The following CTNNB1 variants were observed in gnomAD, a reference collection of about 807,000 sequenced individuals.
CTNNB1 encodes catenin beta-1.
A neutral mutation model predicts 82.5 loss-of-function variants in CTNNB1; 6 were observed. That is an observed-to-expected ratio of 0.07 (90% confidence interval 0.04 to 0.14). CTNNB1 has a LOEUF of 0.14. Ranked by LOEUF, CTNNB1 falls within the 10% of genes least tolerant of loss-of-function variation. CTNNB1 has a pLI of 1.00. For missense variants in CTNNB1, 529 were observed against 980.4 expected, an observed-to-expected ratio of 0.54 and a Z score of 6.15; for synonymous variants, 312 against 329.7, an observed-to-expected ratio of 0.95 and a Z score of 0.58.
chr3:41,211,340 CACTG>C (rs1423874794), intron 1 of CTNNB1, among the ~76,000 whole-genome samples: 1 of 152,202 alleles, frequency 6.6e-6, no homozygotes, highest in African/African-American at 2.4e-5. Context: ...AATCATTTCT[CACTG>C]AAGCCATGCC....
At chr3:41,215,173 C>A (rs1461201272) in intron 1 of CTNNB1, among the ~76,000 whole-genome samples, 1 of 132,856 alleles carries the variant, frequency 7.5e-6, no homozygotes, top group African/African-American at 2.8e-5. Flanking sequence ...GGCAGGAGTT[C>A]AAGATCAGCC....
At chr3:41,206,204 C>T (rs2077644718) in intron 1 of CTNNB1, among the ~76,000 whole-genome samples, 1 of 151,970 alleles carries the variant, frequency 6.6e-6, no homozygotes, top group South Asian at 2.1e-4. Flanking sequence ...TATGTTAAAC[C>T]GTTTAAAACT....
intron 1 of CTNNB1, among the ~76,000 whole-genome samples, chr3:41,202,322 T>A (rs920620034): frequency 2.3e-4 from 35 of 152,204 alleles, no homozygotes. Flanking sequence ...GTCGGAAGCA[T>A]GCTTGACTGC....
intron 7 of CTNNB1, among the ~76,000 whole-genome samples, chr3:41,229,876 C>CTGTGTGTGTGTG (rs58153157): frequency 0.017 from 2,563 of 147,190 alleles, 73 homozygotes; most frequent in African/African-American, 0.057. Context: ...CTCTTGGGTT[C>CTGTGTGTGTGTG]TGTGTGTGTG....
intron 7 of CTNNB1, among the ~76,000 whole-genome samples, chr3:41,232,136 C>CT (rs539840374): frequency 0.034 from 4,972 of 147,884 alleles, 136 homozygotes; most frequent in African/African-American, 0.079. Flanking sequence ...CTGTATGGGA[C>CT]TTTTTTTTTT....
chr3:41,204,790 C>G (rs2077611977), intron 1 of CTNNB1, among the ~76,000 whole-genome samples: 1 of 152,216 alleles, frequency 6.6e-6, no homozygotes, highest in Admixed American at 6.5e-5. Flanking sequence ...TGCAGTAGTA[C>G]CATTTGAAGT....
intron 1 of CTNNB1, among the ~76,000 whole-genome samples, chr3:41,213,342 C>G (rs971013168): frequency 1.3e-5 from 2 of 152,200 alleles, no homozygotes; most frequent in Admixed American, 1.3e-4. Flanking sequence ...ATGTTACCTT[C>G]AAGAAGCCTT....
chr3:41,208,104 C>T (rs1309444570), intron 1 of CTNNB1, among the ~76,000 whole-genome samples: 2 of 152,144 alleles, frequency 1.3e-5, no homozygotes, highest in African/African-American at 2.4e-5. Context: ...TCTCTTATTT[C>T]TGTCATAATT....
chr3:41,213,188 C>G (rs139786461), intron 1 of CTNNB1, among the ~76,000 whole-genome samples: 218 of 152,338 alleles, frequency 1.4e-3, no homozygotes, highest in African/African-American at 4.9e-3. Context: ...TCAAACTACT[C>G]TGATCTCAAG....
intron 1 of CTNNB1, among the ~76,000 whole-genome samples, chr3:41,223,192 A>G (rs1430001842): frequency 6.6e-6 from 1 of 152,180 alleles, no homozygotes; most frequent in Non-Finnish European, 1.5e-5. Context: ...AATAAAGGAA[A>G]TCGTGTTATT....
At position 41,235,902 on chromosome 3, in the gene CTNNB1, A is replaced by T. The variant is rs182989510; in HGVS notation, c.1803+59A>T. 23 of 1,590,048 alleles carry T rather than the reference A, an allele frequency of 1.4e-5. No individual in the cohort carries two copies. The East Asian group carries it at 4.9e-4, about 34-fold the overall frequency. ...TCCATAAAATTTCCAGATTGTAATG[A>T]CTAATAACATTTCAGAAAATTAGGG... On this transcript the variant is annotated intron_variant, in intron 11 of 14. Coordinates refer to ENST00000349496, the MANE Select transcript of CTNNB1 (RefSeq NM_001904.4).
At chr3:41,203,023 A>G (rs1233950783) in intron 1 of CTNNB1, among the ~76,000 whole-genome samples, 2 of 127,746 alleles carry the variant, frequency 1.6e-5, no homozygotes, top group Non-Finnish European at 3.2e-5. Flanking sequence ...ACCCATTTTT[A>G]GGGTTTAGCC....
rs764576683 is a variant in CTNNB1, at chr3:41,234,178, G to A, written c.1564G>A (p.Ala522Thr). Residue 522 changes from alanine to threonine, a missense_variant, in exon 10 of 15, where the codon GCA becomes ACA. By Grantham distance (58) the Ala-to-Thr change is moderately conservative. This residue lies in a region of CTNNB1 where 411 missense variants were observed against 776.4 expected (regional missense o/e 0.53). Coordinates refer to ENST00000349496, the MANE Select transcript of CTNNB1 (RefSeq NM_001904.4). ...GLIRNLALCP[A>T]NHAPLREQGA... ...GATTCGAAATCTTGCCCTTTGTCCC[G>A]CAAATCATGCACCTTTGCGTGAGCA... 36 of 1,613,982 alleles carry A rather than the reference G, an allele frequency of 2.2e-5. No individual in the cohort carries two copies. Among genetic ancestry groups the A allele is most frequent in the Admixed American group, 2.0e-4 (12 of 60,002 alleles).
chr3:41,205,508 G>A (rs185043189), intron 1 of CTNNB1, among the ~76,000 whole-genome samples: 21 of 151,926 alleles, frequency 1.4e-4, no homozygotes, highest in South Asian at 2.1e-4. Flanking sequence ...TAGCCTGGCC[G>A]ACGTGGTGAA....
rs60908956 is a variant in CTNNB1 at position 41,225,259 on chromosome 3, G to A, written c.495+52G>A. On this transcript the variant is annotated intron_variant, in intron 4 of 14. Coordinates refer to ENST00000349496, the MANE Select transcript of CTNNB1 (RefSeq NM_001904.4). The surrounding 1 kb of genome is among the most constrained non-coding windows in gnomAD (Gnocchi z 5.3). The stretch of plus-strand genomic sequence containing the variant: ...AGTCTGCTTTGAAGTAAATGCTCAA[G>A]GGGAGTAGTTTCAGAATGTCTACCC... The A allele has an allele frequency of 2.5e-4, 402 of 1,613,860 alleles. 1 individual carries two copies. The East Asian group carries it at 6.9e-3, about 28-fold the overall frequency.
At chr3:41,228,112 A>G (rs1260856815) in intron 7 of CTNNB1, among the ~76,000 whole-genome samples, 5 of 152,132 alleles carry the variant, frequency 3.3e-5, no homozygotes, top group Admixed American at 6.5e-5. Context: ...TTCTTTATCT[A>G]GTCTACCATT....
At chr3:41,237,777 TATA>T (rs1016637156) in intron 13 of CTNNB1, 10 of 498,232 alleles carry the variant, frequency 2.0e-5, no homozygotes, top group African/African-American at 9.9e-5. Context: ...AGGTGCTTAA[TATA>T]ATATTTGTTG....
At chr3:41,214,636 G>A (rs1459627639) in intron 1 of CTNNB1, among the ~76,000 whole-genome samples, 1 of 152,044 alleles carries the variant, frequency 6.6e-6, no homozygotes, top group African/African-American at 2.4e-5. Flanking sequence ...TCACATTTAG[G>A]CTTAATGTGC....
chr3:41,230,440 T>C (rs183112374), intron 7 of CTNNB1, among the ~76,000 whole-genome samples: 23 of 152,368 alleles, frequency 1.5e-4, no homozygotes, highest in South Asian at 8.3e-4. Flanking sequence ...GTTATTCTTA[T>C]GTTCATTTGT....
Sources: gnomAD v4.1 joint callset for allele counts (sites outside exome capture counted in the v4.1 genomes callset) on GRCh38, gnomAD v4.1.1 for gene constraint, gnomAD v4.1.1 regional missense constraint, Gnocchi (gnomAD v3.1) non-coding constraint, MANE v1.5 for transcripts, NCBI Gene and HGNC (gene_info 2026-07-23, HGNC 2026-07-21) for gene names.